COL26A1: variants seen among roughly 807,000 people sequenced by gnomAD.
COL26A1 encodes the protein collagen alpha-1(XXVI) chain.
In COL26A1, 41 loss-of-function variants were observed where a neutral mutation model predicts 59.3. The observed-to-expected ratio is 0.69, with a 90% CI of 0.54 to 0.90. The LOEUF is 0.90. Ranked by LOEUF, COL26A1 falls within the 40% of genes least tolerant of loss-of-function variation. The pLI is 0.00. For synonymous variants in COL26A1, 266 were observed against 256.0 expected, an observed-to-expected ratio of 1.04 and a Z score of -0.37; for missense variants, 612 against 602.3, an observed-to-expected ratio of 1.02 and a Z score of -0.17.
chr7:101,366,036 A>G (rs1791037761), intron 1 of COL26A1, among the ~76,000 whole-genome samples: 2 of 152,228 alleles, frequency 1.3e-5, no homozygotes, highest in African/African-American at 4.8e-5. Flanking sequence ...CAGGATAAGA[A>G]CAGGGAGAGG....
chr7:101,502,737 T>C (rs1794731464), intron 3 of COL26A1, among the ~76,000 whole-genome samples: 1 of 152,212 alleles, frequency 6.6e-6, no homozygotes, highest in Admixed American at 6.5e-5. Context: ...GCTCAGCCCA[T>C]GGGAGTCTCA....
chr7:101,458,732 G>A (rs1793537775), intron 3 of COL26A1, among the ~76,000 whole-genome samples: 2 of 151,992 alleles, frequency 1.3e-5, no homozygotes, highest in Non-Finnish European at 2.9e-5. Context: ...GCAGAAACAG[G>A]CGCAGAGGAA....
At chr7:101,415,595 C>T (rs1792354071) in intron 1 of COL26A1, among the ~76,000 whole-genome samples, 1 of 152,104 alleles carries the variant, frequency 6.6e-6, no homozygotes, top group Admixed American at 6.6e-5. Context: ...GAGGGCTCAA[C>T]TTTTCACTAC....
chr7:101,408,235 G>T (rs893546080), intron 1 of COL26A1, among the ~76,000 whole-genome samples: 2 of 152,184 alleles, frequency 1.3e-5, no homozygotes, highest in African/African-American at 4.8e-5. Context: ...GGGAAGGGAG[G>T]GGACTGAGGC....
intron 1 of COL26A1, among the ~76,000 whole-genome samples, chr7:101,363,907 A>C (rs1483083738): frequency 6.6e-6 from 1 of 151,848 alleles, no homozygotes; most frequent in East Asian, 2.0e-4. Context: ...CTCTCCTATC[A>C]GCGGCCCCAG....
rs183392702 is a variant in COL26A1, at chr7:101,488,706, G to A, written c.385+40919G>A. 2.7e-3 allele frequency among the ~76,000 whole-genome samples: 405 copies of A among 152,172 alleles called. 1 individual carries two copies. The highest frequency in any genetic ancestry group is 0.01 in the Middle Eastern group (3 of 294). On this transcript the variant is annotated intron_variant, in intron 3 of 12. Transcript: ENST00000313669. ...CCAGTTTTAAGCGTTCAATTCAGCCGTGTTAGGTACCGTCACACTGTCGTC... is the reference window on the plus strand; with the variant it reads ...CCAGTTTTAAGCGTTCAATTCAGCCATGTTAGGTACCGTCACACTGTCGTC...
At chr7:101,519,867 C>T (rs762488889) in intron 3 of COL26A1, among the ~76,000 whole-genome samples, 28 of 152,272 alleles carry the variant, frequency 1.8e-4, no homozygotes, top group East Asian at 7.7e-4. Flanking sequence ...ATCACATCAC[C>T]GCGGCTCATT....
intron 10 of COL26A1, 76 bp downstream of exon 10, chr7:101,551,219 G>T: frequency 8.5e-7 from 1 of 1,182,618 alleles, no homozygotes. Context: ...GCACTGGGTG[G>T]CGGGGGTTGG....
At chr7:101,542,735 G>T (rs1008580361) in intron 5 of COL26A1, among the ~76,000 whole-genome samples, 2 of 152,190 alleles carry the variant, frequency 1.3e-5, no homozygotes, top group Non-Finnish European at 2.9e-5. Context: ...GGGACTGAAG[G>T]CTGCGGGAGG....
chr7:101,447,629 G>A, intron 2 of COL26A1, 55 bp from the exon 3 acceptor site: 1 of 1,208,594 alleles, frequency 8.3e-7, no homozygotes. Flanking sequence ...CAGCAGTGGG[G>A]TCTGGAGGTG....
intron 2 of COL26A1, among the ~76,000 whole-genome samples, chr7:101,423,399 C>G (rs1326670271): frequency 6.6e-6 from 1 of 152,214 alleles, no homozygotes; most frequent in Admixed American, 6.5e-5. Flanking sequence ...TAGTTGTTCT[C>G]TCCTTTACCA....
intron 3 of COL26A1, among the ~76,000 whole-genome samples, chr7:101,467,251 G>T (rs2130448752): frequency 6.6e-6 from 1 of 151,966 alleles, no homozygotes; most frequent in South Asian, 2.1e-4. Context: ...GTGAGTTTAA[G>T]AGCAGAGGTT....
intron 2 of COL26A1, among the ~76,000 whole-genome samples, chr7:101,444,329 T>C (rs1584412503): frequency 6.6e-6 from 1 of 151,990 alleles, no homozygotes; most frequent in Non-Finnish European, 1.5e-5. Context: ...GAAATTATAA[T>C]TGGGAAAAAG....
intron 3 of COL26A1, among the ~76,000 whole-genome samples, chr7:101,462,090 C>T (rs1166200163): frequency 1.9e-4 from 29 of 149,764 alleles, no homozygotes; most frequent in Non-Finnish European, 3.7e-4. Flanking sequence ...ACCTCTGCTT[C>T]CCAGTTTCAA....
At chr7:101,542,351 C>T (rs1795635286) in intron 5 of COL26A1, among the ~76,000 whole-genome samples, 1 of 152,196 alleles carries the variant, frequency 6.6e-6, no homozygotes, top group Admixed American at 6.5e-5. Context: ...GATCCACCCG[C>T]CTCGGCCTCC....
chr7:101,486,249 G>C (rs1020671860), intron 3 of COL26A1, among the ~76,000 whole-genome samples: 1 of 152,018 alleles, frequency 6.6e-6, no homozygotes, highest in Non-Finnish European at 1.5e-5. Flanking sequence ...TCTGGGCATA[G>C]TTGACCCTTG....
chr7:101,527,796 G>T (rs1039675482), intron 3 of COL26A1, among the ~76,000 whole-genome samples: 1 of 151,896 alleles, frequency 6.6e-6, no homozygotes, highest in South Asian at 2.1e-4. Context: ...GTGCTCCAGG[G>T]CCAGTGTGTT....
At chr7:101,546,455 G>A (rs1320410582) in intron 7 of COL26A1, among the ~76,000 whole-genome samples, 2 of 151,246 alleles carry the variant, frequency 1.3e-5, no homozygotes, top group Non-Finnish European at 2.9e-5. Context: ...GCCCAGGCTG[G>A]TCTGGAGATG....
chr7:101,524,993 C>T (rs1321805003), intron 3 of COL26A1, among the ~76,000 whole-genome samples: 1 of 152,032 alleles, frequency 6.6e-6, no homozygotes, highest in African/African-American at 2.4e-5. Context: ...TGTCCATGCC[C>T]AGTCATGGTC....
Sources: gnomAD v4.1 joint callset for allele counts (sites outside exome capture counted in the v4.1 genomes callset) on GRCh38, gnomAD v4.1.1 for gene constraint, MANE v1.5 for transcripts, NCBI Gene and HGNC (gene_info 2026-07-23, HGNC 2026-07-21) for gene names.